The following TRIO variants were observed in gnomAD, a reference collection of about 807,000 sequenced individuals.
TRIO encodes the protein trio Rho guanine nucleotide exchange factor, also known as triple functional domain protein.
A neutral mutation model predicts 351.9 loss-of-function variants in TRIO; 58 were observed. The ratio of observed to expected loss-of-function variants is 0.16; its 90% CI spans 0.13 to 0.21. The LOEUF is 0.21. Ranked by LOEUF, TRIO falls within the 10% of genes least tolerant of loss-of-function variation. TRIO has a pLI of 1.00. For synonymous variants in TRIO, 1,758 were observed against 1,595.7 expected, an observed-to-expected ratio of 1.10 and a Z score of -2.42; for missense variants, 3,201 against 4,027.8, an observed-to-expected ratio of 0.79 and a Z score of 5.56.
chr5:14,370,697 A>T (rs1183818967), intron 18 of TRIO, among the ~76,000 whole-genome samples: 1 of 152,100 alleles, frequency 6.6e-6, no homozygotes, highest in Non-Finnish European at 1.5e-5. Flanking sequence ...GGGGTGAAAA[A>T]ACCATCACAG....
chr5:14,447,299 T>C (rs1413502771), intron 34 of TRIO, among the ~76,000 whole-genome samples: 1 of 152,180 alleles, frequency 6.6e-6, no homozygotes, highest in Non-Finnish European at 1.5e-5. Context: ...CCACGTTTTT[T>C]CCCCTTAATG....
chr5:14,253,632 C>T (rs370736136), intron 1 of TRIO, among the ~76,000 whole-genome samples: 5 of 152,304 alleles, frequency 3.3e-5, no homozygotes, highest in East Asian at 1.9e-4. Flanking sequence ...CATGAACTCC[C>T]GCACCTGGCC....
chr5:14,469,458 A>G (rs1754516363), intron 37 of TRIO, among the ~76,000 whole-genome samples: 1 of 152,266 alleles, frequency 6.6e-6, no homozygotes, highest in South Asian at 2.1e-4. Context: ...AATTAATCTC[A>G]TAAGAGGTAG....
intron 34 of TRIO, among the ~76,000 whole-genome samples, chr5:14,426,713 G>A (rs1186722682): frequency 6.6e-6 from 1 of 152,212 alleles, no homozygotes; most frequent in Non-Finnish European, 1.5e-5. Context: ...AGCAAGAAGC[G>A]GAGGAGATGG....
At chr5:14,370,677 G>A (rs1359335883) in intron 18 of TRIO, among the ~76,000 whole-genome samples, 3 of 152,132 alleles carry the variant, frequency 2.0e-5, no homozygotes, top group Non-Finnish European at 2.9e-5. Context: ...TTCTTTTTAA[G>A]CAAGCTCCCG....
Position 14,369,368 on chromosome 5 carries a change from T to G in TRIO, c.3067-6T>G, listed in dbSNP as rs1744880007. 1.2e-6 allele frequency: 2 copies of G among 1,602,452 alleles called. No homozygotes were observed. Among genetic ancestry groups the G allele is most frequent in the East Asian group, 4.5e-5 (2 of 44,542 alleles). On this transcript the variant is annotated splice_polypyrimidine_tract_variant and splice_region_variant and intron_variant, in intron 17 of 56. Coordinates refer to ENST00000344204, the MANE Select transcript of TRIO (RefSeq NM_007118.4). ...AGTCTGAGCCTCAAACTTTTCCTGC[T>G]CACAGGTCTGCAGCGTCCTCGAGAG...
At chr5:14,445,153 G>A (rs1373832799) in intron 34 of TRIO, among the ~76,000 whole-genome samples, 1 of 152,180 alleles carries the variant, frequency 6.6e-6, no homozygotes, top group African/African-American at 2.4e-5. Flanking sequence ...TCCATAAACA[G>A]AGTGAGTCGG....
intron 1 of TRIO, among the ~76,000 whole-genome samples, chr5:14,167,103 T>C (rs530656958): frequency 1.1e-4 from 17 of 151,682 alleles, no homozygotes; most frequent in African/African-American, 2.7e-4. Flanking sequence ...GATCAGTCAA[T>C]GGAGGGTGAA....
Position 14,488,418 on chromosome 5 carries a change from GC to G in TRIO, c.7632+161del, listed in dbSNP as rs954169029. 3.3e-5 allele frequency: 36 copies of G among 1,100,116 alleles called. No homozygotes were observed. In the African/African-American group the frequency reaches 5.1e-4, roughly 15 times the overall value. The allele number at this position is 1,100,116 out of a possible 1,614,324, so 68.1% of individuals were successfully genotyped here. On this transcript the variant is annotated intron_variant, in intron 48 of 56. Transcript: ENST00000344204. ...ACCAGGCTAACCCTCCTGCGGGCCG[GC>G]CCACGGCGCTACTAACTACTCCTTG... is the stretch of plus-strand genomic sequence containing the variant.
intron 32 of TRIO, 162 bp downstream of exon 32, chr5:14,406,152 T>G (rs1409782583): frequency 2.8e-6 from 3 of 1,063,844 alleles, no homozygotes; most frequent in Non-Finnish European, 4.0e-6. Flanking sequence ...TGAAACTGCT[T>G]TGTCAGAGAT....
intron 1 of TRIO, among the ~76,000 whole-genome samples, chr5:14,266,555 T>C (rs1795690166): frequency 6.6e-6 from 1 of 152,258 alleles, no homozygotes; most frequent in South Asian, 2.1e-4. Flanking sequence ...ACTGACATGC[T>C]GTCGAACCAA....
chr5:14,440,222 A>G (rs776875128), intron 34 of TRIO, among the ~76,000 whole-genome samples: 1 of 152,214 alleles, frequency 6.6e-6, no homozygotes, highest in African/African-American at 2.4e-5. Flanking sequence ...CACTTCCTCA[A>G]AGAAATTGTA....
At chr5:14,164,996 G>T (rs189948165) in intron 1 of TRIO, among the ~76,000 whole-genome samples, 68 of 152,344 alleles carry the variant, frequency 4.5e-4, no homozygotes, top group African/African-American at 1.6e-3. Context: ...GGTGCACAGT[G>T]GCTGTGGAGC....
In TRIO at chr5:14,143,453, T is replaced by C. The variant is rs1327909505; in HGVS notation, c.-273T>C. On this transcript the variant is annotated 5_prime_UTR_variant, in exon 1 of 57. Coordinates refer to ENST00000344204, the MANE Select transcript of TRIO (RefSeq NM_007118.4). ...TGCGCGTCCGGGAGGCGCGTGCTGC[T>C]GCCCGCGCTCCGGCCGGCGCCCGGG... Among the ~76,000 whole-genome samples, 6 of 148,748 alleles carry C rather than the reference T, an allele frequency of 4.0e-5. No individual in the cohort carries two copies. The highest frequency in any genetic ancestry group is 9.0e-5 in the Non-Finnish European group (6 of 66,898).
chr5:14,349,773 A>G (rs1306948374), intron 11 of TRIO, among the ~76,000 whole-genome samples: 2 of 152,238 alleles, frequency 1.3e-5, no homozygotes, highest in African/African-American at 2.4e-5. Flanking sequence ...GGCTTGTTAT[A>G]TAGATAAACT....
Position 14,172,616 on chromosome 5 carries a change from C to T in TRIO, c.157+28734C>T, listed in dbSNP as rs139845316. ...AATAACAGGGGGGATGATATCAAACCGGAGTGTTGTGGCTATGCAGTGAAG... is the reference window on the plus strand; with the variant it reads ...AATAACAGGGGGGATGATATCAAACTGGAGTGTTGTGGCTATGCAGTGAAG... On this transcript the variant is annotated intron_variant, in intron 1 of 56. Coordinates refer to ENST00000344204, the MANE Select transcript of TRIO (RefSeq NM_007118.4). Among the ~76,000 whole-genome samples the T allele has an allele frequency of 1.6e-3, 249 of 152,294 alleles. 4 individuals are homozygous for T. The South Asian group carries it at 0.035, about 21-fold the overall frequency.
chr5:14,190,651 C>T (rs1790398832), intron 1 of TRIO, among the ~76,000 whole-genome samples: 1 of 152,182 alleles, frequency 6.6e-6, no homozygotes, highest in Non-Finnish European at 1.5e-5. Flanking sequence ...TCTTCTCCGA[C>T]TGCCCCTTAT....
intron 49 of TRIO, among the ~76,000 whole-genome samples, chr5:14,493,458 A>G (rs954205276): frequency 2.6e-5 from 4 of 152,118 alleles, no homozygotes; most frequent in Non-Finnish European, 4.4e-5. Context: ...TTACGGTGAT[A>G]TGTAGTTAGT....
intron 8 of TRIO, among the ~76,000 whole-genome samples, chr5:14,314,218 A>T (rs1033943117): frequency 1.3e-5 from 2 of 152,252 alleles, no homozygotes; most frequent in African/African-American, 4.8e-5. Context: ...ACTAAAATGC[A>T]TACGTAGTTT....
Sources: allele counts gnomAD v4.1 joint callset (sites outside exome capture counted in the v4.1 genomes callset), GRCh38; gene constraint gnomAD v4.1.1; transcripts MANE v1.5; gene names NCBI Gene and HGNC (gene_info 2026-07-23, HGNC 2026-07-21).